Variants in OSTN observed in about 807,000 individuals in gnomAD.
OSTN encodes the protein osteocrin.
Under a neutral mutation model 12.0 loss-of-function variants are expected in OSTN, and 9 were observed. That is an observed-to-expected ratio of 0.75 (90% CI 0.45 to 1.30). The LOEUF is 1.30. Ranked by LOEUF, OSTN falls within the 50% of genes most tolerant of loss-of-function variation. OSTN has a pLI of 0.00. For missense variants in OSTN, 148 were observed against 152.3 expected (o/e 0.97, Z 0.15); for synonymous variants, 59 against 56.9 (o/e 1.04, Z -0.16).
intron 2 of OSTN, among the ~76,000 whole-genome samples, chr3:191,218,449 C>G (rs964115109): frequency 6.6e-6 from 1 of 152,074 alleles, no homozygotes; most frequent in African/African-American, 2.4e-5. Flanking sequence ...TGGTGAAACC[C>G]CATCTCTACT....
intron 3 of OSTN, among the ~76,000 whole-genome samples, chr3:191,236,554 A>G (rs1452291570): frequency 1.3e-5 from 2 of 152,138 alleles, no homozygotes; most frequent in East Asian, 3.8e-4. Context: ...AACGCAAAAA[A>G]AAAAACAATC....
intron 3 of OSTN, among the ~76,000 whole-genome samples, chr3:191,225,651 A>G (rs9855696): frequency 0.2 from 31,007 of 152,162 alleles, 3,720 homozygotes; most frequent in Middle Eastern, 0.44. Flanking sequence ...GCCATAAAAA[A>G]GAAGAAAATT....
At chr3:191,233,088 A>G (rs1021554057) in intron 3 of OSTN, among the ~76,000 whole-genome samples, 1 of 152,198 alleles carries the variant, frequency 6.6e-6, no homozygotes, top group Non-Finnish European at 1.5e-5. Flanking sequence ...ATCAGAAAAG[A>G]AAAAGGAAAT....
intron 3 of OSTN, among the ~76,000 whole-genome samples, chr3:191,247,540 A>G (rs1715461931): frequency 6.6e-6 from 1 of 152,364 alleles, no homozygotes; most frequent in Admixed American, 6.5e-5. Context: ...GAGCCAACCT[A>G]GAAAGGAAGA....
rs142614204 is a variant in OSTN at position 191,217,482 on chromosome 3, G to C, written c.103-1265G>C. Among the ~76,000 whole-genome samples, 5 of 152,252 alleles carry C rather than the reference G, an allele frequency of 3.3e-5. No homozygotes were observed. The South Asian group carries it at 1.0e-3, about 32-fold the overall frequency. ...GTGGGAAGGGAAGAGATTCCCCAGA[G>C]CTAAAAAATTTTTCCCTCATGGGAA... is the stretch of plus-strand genomic sequence containing the variant. On this transcript the variant is annotated intron_variant, in intron 2 of 4. Coordinates refer to ENST00000682035, the MANE Select transcript of OSTN (RefSeq NM_198184.2).
intron 4 of OSTN, among the ~76,000 whole-genome samples, chr3:191,252,448 C>T (rs1002667062): frequency 5.6e-4 from 85 of 152,304 alleles, no homozygotes; most frequent in African/African-American, 1.9e-3. Context: ...ACAATGCTTC[C>T]TGAATCACTG....
intron 2 of OSTN, among the ~76,000 whole-genome samples, chr3:191,214,934 C>T (rs906275350): frequency 1.4e-4 from 22 of 152,242 alleles, no homozygotes; most frequent in East Asian, 1.4e-3. Flanking sequence ...ATCACTTGAT[C>T]CTGGGAGGCA....
intron 4 of OSTN, among the ~76,000 whole-genome samples, chr3:191,258,648 T>C (rs1715730364): frequency 7.0e-6 from 1 of 143,034 alleles, no homozygotes; most frequent in South Asian, 2.3e-4. Context: ...TTCCAGGACT[T>C]AAAGTATAAT....
chr3:191,214,843 T>A (rs149244895), intron 2 of OSTN, among the ~76,000 whole-genome samples: 194 of 152,144 alleles, frequency 1.3e-3, no homozygotes, highest in African/African-American at 4.6e-3. Context: ...TGAAACTCCA[T>A]CTCTACCAAA....
intron 2 of OSTN, among the ~76,000 whole-genome samples, chr3:191,215,010 T>C (rs1714571252): frequency 6.6e-6 from 1 of 152,128 alleles, no homozygotes; most frequent in South Asian, 2.1e-4. Context: ...AGACTTTGTC[T>C]CAAAACAACA....
At chr3:191,236,025 G>A (rs1271346490) in intron 3 of OSTN, among the ~76,000 whole-genome samples, 1 of 152,178 alleles carries the variant, frequency 6.6e-6, no homozygotes, top group Non-Finnish European at 1.5e-5. Flanking sequence ...AAATGCCATT[G>A]TTTTTCAATA....
chr3:191,214,026 G>A (rs1287353500), intron 2 of OSTN, among the ~76,000 whole-genome samples: 1 of 152,078 alleles, frequency 6.6e-6, no homozygotes, highest in East Asian at 1.9e-4. Flanking sequence ...TGGGATTTGT[G>A]CTATAAGTAA....
chr3:191,226,727 C>G (rs940438507), intron 3 of OSTN, among the ~76,000 whole-genome samples: 1 of 152,114 alleles, frequency 6.6e-6, no homozygotes, highest in Non-Finnish European at 1.5e-5. Flanking sequence ...GACTCCATTT[C>G]ATATGCAACT....
At chr3:191,226,906 A>G (rs1184574372) in intron 3 of OSTN, among the ~76,000 whole-genome samples, 2 of 152,170 alleles carry the variant, frequency 1.3e-5, no homozygotes, top group Non-Finnish European at 2.9e-5. Flanking sequence ...ATGACCCCAC[A>G]TAGGTATTAG....
chr3:191,225,323 GT>G (rs1392540477), intron 3 of OSTN, among the ~76,000 whole-genome samples: 1 of 151,984 alleles, frequency 6.6e-6, no homozygotes, highest in African/African-American at 2.4e-5. Context: ...TTTATTTACC[GT>G]TTTTATTTAA....
chr3:191,215,857 T>G (rs543583122), intron 2 of OSTN, among the ~76,000 whole-genome samples: 40 of 152,240 alleles, frequency 2.6e-4, no homozygotes, highest in Non-Finnish European at 5.3e-4. Context: ...AGATGCACAG[T>G]GCAAGCTGTC....
At chr3:191,204,662 C>T (rs1334247536) in intron 1 of OSTN, among the ~76,000 whole-genome samples, 1 of 152,230 alleles carries the variant, frequency 6.6e-6, no homozygotes, top group African/African-American at 2.4e-5. Flanking sequence ...GTCTCTCAAT[C>T]ATCTGGGTGC....
chr3:191,235,866 C>T (rs556463026), intron 3 of OSTN, among the ~76,000 whole-genome samples: 1 of 152,238 alleles, frequency 6.6e-6, no homozygotes, highest in Non-Finnish European at 1.5e-5. Context: ...GCAGTCATCT[C>T]TTCAGTCTGG....
At chr3:191,251,619 A>C (rs940930394) in intron 4 of OSTN, among the ~76,000 whole-genome samples, 1 of 152,164 alleles carries the variant, frequency 6.6e-6, no homozygotes, top group African/African-American at 2.4e-5. Context: ...TCTCAAAATC[A>C]CTCAGTTAAA....
Sources: allele counts gnomAD v4.1 joint callset (sites outside exome capture counted in the v4.1 genomes callset), GRCh38; gene constraint gnomAD v4.1.1; transcripts MANE v1.5; gene names NCBI Gene and HGNC (gene_info 2026-07-23, HGNC 2026-07-21).